Variants in NEB observed in about 807,000 individuals in gnomAD.
The protein encoded by NEB is nemaline myopathy type 2.
NEB carries 512 observed loss-of-function variants against 952.2 expected under a neutral mutation model. The observed-to-expected ratio is 0.54, with a 90% CI of 0.50 to 0.58. NEB has a LOEUF of 0.58. NEB is among the 20% of genes least tolerant of loss of function. The probability of loss-of-function intolerance (pLI) is 0.00; values close to 1 mark genes in which losing one functional copy is unlikely to be tolerated. For synonymous variants in NEB, 2,900 were observed against 3,149.8 expected (o/e 0.92, Z 2.66); for missense variants, 8,428 against 9,231.1 (o/e 0.91, Z 3.56).
intron 135 of NEB, among the ~76,000 whole-genome samples, 189 bp downstream of exon 135, chr2:151,545,699 T>G (rs1375924622): frequency 1.3e-5 from 2 of 152,152 alleles, no homozygotes; most frequent in Non-Finnish European, 2.9e-5. Flanking sequence ...GCAAAATAAG[T>G]AAACTGAGGT....
chr2:151,656,722 G>A (rs1429365903), intron 48 of NEB, among the ~76,000 whole-genome samples: 2 of 151,888 alleles, frequency 1.3e-5, no homozygotes, highest in African/African-American at 2.4e-5. Context: ...AGAGAGCTGA[G>A]CAACCTGCTG....
chr2:151,668,304 T>C (rs1262363239), intron 39 of NEB, among the ~76,000 whole-genome samples: 1 of 152,150 alleles, frequency 6.6e-6, no homozygotes, highest in African/African-American at 2.4e-5. Flanking sequence ...TATAGGAAGA[T>C]ATGAATACTA....
At chr2:151,657,218 G>A (rs1273572193) in intron 48 of NEB, among the ~76,000 whole-genome samples, 1 of 152,090 alleles carries the variant, frequency 6.6e-6, no homozygotes, top group African/African-American at 2.4e-5. Context: ...AAGAGAGAAT[G>A]GGATGGGCTG....
Position 151,513,628 on chromosome 2 carries a change from T to C in NEB, c.23193A>G (p.Glu7731=), listed in dbSNP as rs1349733418. ...TCCTGGCCCTCATAAAATCCGGAGT[T>C]TCATTGGCCATGGCATTCAGGCCTC... ...KGRGLNAMAN[E]TPDFMRARNA... The change falls in exon 160 of 182, where the codon GAA becomes GAG. Residue 7731 remains glutamate (E), a synonymous_variant. Transcript: ENST00000397345. 6.2e-7 allele frequency: 1 copy of C among 1,610,738 alleles called. No homozygotes were observed. The highest frequency in any genetic ancestry group is 8.5e-7 in the Non-Finnish European group (1 of 1,178,552).
At chr2:151,492,069 A>G in intron 178 of NEB, 29 bp downstream of exon 178, 2 of 1,608,326 alleles carry the variant, frequency 1.2e-6, no homozygotes, top group Non-Finnish European at 8.5e-7. Context: ...CTTAAAGTTA[A>G]TCCCCTCCCC....
rs778111805 is a variant in NEB, at chr2:151,502,849, T to C, written c.23872A>G (p.Thr7958Ala). The C allele has an allele frequency of 6.2e-7, 1 of 1,607,146 alleles. No homozygotes were observed. Among genetic ancestry groups the C allele is most frequent in the South Asian group, 1.1e-5 (1 of 89,000 alleles). ...CTCTCCATCTCTGGAGTGATAGGTG[T>C]TGGGATTCCTTTCCCCAAATTTTCT... ...YKENLGKGIP[T>A]PITPEMERVK... The change falls in exon 167 of 182, where the codon ACA becomes GCA. Residue 7958 changes from threonine to alanine, a missense_variant. Transcript: ENST00000397345.
chr2:151,712,870 C>A (rs1307280059), intron 10 of NEB, among the ~76,000 whole-genome samples: 1 of 152,076 alleles, frequency 6.6e-6, no homozygotes, highest in South Asian at 2.1e-4. Context: ...ACCTTCCCAA[C>A]ATCCAAACAC....
intron 129 of NEB, among the ~76,000 whole-genome samples, chr2:151,551,277 T>A (rs2095319516): frequency 6.6e-6 from 1 of 152,182 alleles, no homozygotes; most frequent in African/African-American, 2.4e-5. Flanking sequence ...CCAAAAATTA[T>A]TTTTAATACA....
rs530692325 is a variant in NEB at position 151,633,679 on chromosome 2, C to T, written c.9389G>A (p.Arg3130Gln). The T allele has an allele frequency of 2.9e-5, 46 of 1,613,220 alleles. No homozygotes were observed. The South Asian group carries it at 3.6e-4, about 13-fold the overall frequency. Residue 3130 changes from arginine (R) to glutamine (Q), a missense_variant, in exon 65 of 182, where the codon CGG becomes CAG. Physicochemically the swap from Arg to Gln is conservative, Grantham distance 43. This residue lies in a region of NEB where 1,772 missense variants were observed against 1,960.3 expected (regional missense o/e 0.90). Coordinates refer to ENST00000397345, the MANE Select transcript of NEB (RefSeq NM_001164508.2). ...LPDQSDVIHA[R>Q]QAYDLQSDNI... is the part of the protein sequence containing the mutation. ...GTCACTCTGGAGGTCATAGGCCTGC[C>T]GAGCATGGATGACATCGCTCTGGTC... is the stretch of plus-strand genomic sequence containing the variant.
chr2:151,581,817 G>C (rs2097108424), intron 102 of NEB, among the ~76,000 whole-genome samples: 1 of 139,578 alleles, frequency 7.2e-6, no homozygotes, highest in East Asian at 2.3e-4. Flanking sequence ...AGTTCTTTTT[G>C]GATGTTCTCC....
At chr2:151,491,602 T>C in intron 179 of NEB, 81 bp downstream of exon 179, 1 of 1,215,566 alleles carries the variant, frequency 8.2e-7, no homozygotes, top group South Asian at 1.3e-5. Context: ...GGGAAGGAAC[T>C]TCAGAGCCCA....
chr2:151,627,158 G>A lies in NEB; in HGVS notation c.10191C>T (p.Val3397=). Residue 3397 remains valine, a synonymous_variant, in exon 70 of 182, where the codon GTC becomes GTT. Coordinates refer to ENST00000397345, the MANE Select transcript of NEB (RefSeq NM_001164508.2). ...TGACCACATCCATAGACCCAATGGG[G>A]ACCCAGCCAATGCCTCTCAGCCACT... is the stretch of plus-strand genomic sequence containing the variant. ...DLQWLRGIGW[V]PIGSMDVVKC... 6.2e-7 allele frequency: 1 copy of A among 1,613,866 alleles called. No individual in the cohort carries two copies. The highest frequency in any genetic ancestry group is 8.5e-7 in the Non-Finnish European group (1 of 1,179,852).
At position 151,666,217 on chromosome 2, in the gene NEB, G is replaced by C. The variant is rs199662534; in HGVS notation, c.4904C>G (p.Thr1635Arg). 6.2e-7 allele frequency: 1 copy of C among 1,613,838 alleles called. No individual in the cohort carries two copies. Among genetic ancestry groups the C allele is most frequent in the Admixed American group, 1.7e-5 (1 of 59,994 alleles). ...AACCTCCTGAGATTTCTTTGCAGCTGTCACACTGACCATATCCAGAGGTGT... is the reference window on the plus strand; with the variant it reads ...AACCTCCTGAGATTTCTTTGCAGCTCTCACACTGACCATATCCAGAGGTGT... ...YHTPLDMVSV[T>R]AAKKSQEVAT... Residue 1635 changes from threonine (T) to arginine (R), a missense_variant, in exon 41 of 182, where the codon ACA becomes AGA. Thr to Arg is a moderately conservative substitution (Grantham distance 71). This residue lies in a region of NEB where 2,851 missense variants were observed against 2,791.5 expected (regional missense o/e 1.02). Coordinates refer to ENST00000397345, the MANE Select transcript of NEB (RefSeq NM_001164508.2).
In NEB at chr2:151,627,640, C is replaced by G. The variant is rs117636679; in HGVS notation, c.10026G>C (p.Lys3342Asn). The change falls in exon 69 of 182, where the codon AAG (lysine) becomes AAC (asparagine). Residue 3342 changes from lysine (K) to asparagine (N), a missense_variant. Lys to Asn is a moderately conservative substitution (Grantham distance 94). This residue lies in a region of NEB where 1,772 missense variants were observed against 1,960.3 expected (regional missense o/e 0.90). Transcript: ENST00000397345. Reference protein sequence around the residue: ...PVDMLGVVLAKKCQTLVSDVD... With the variant: ...PVDMLGVVLANKCQTLVSDVD... ...CATCGCTGACTAAGGTCTGGCACTT[C>G]TTGGCTAACACCACTCCCAGCATGT... The G allele has an allele frequency of 2.3e-4, 373 of 1,614,010 alleles. 1 individual carries two copies. The East Asian group carries it at 5.6e-3, about 24-fold the overall frequency.
intron 71 of NEB, among the ~76,000 whole-genome samples, chr2:151,623,650 A>AT (rs2098460480): frequency 6.6e-6 from 1 of 152,150 alleles, no homozygotes; most frequent in African/African-American, 2.4e-5. Flanking sequence ...TCAAGATGAG[A>AT]TTTTATAAGA....
At position 151,569,493 on chromosome 2, in the gene NEB, A is replaced by G. The variant is rs192188977; in HGVS notation, c.17431-121T>C. 1.3e-5 allele frequency: 10 copies of G among 751,050 alleles called. No individual in the cohort carries two copies. The African/African-American group carries it at 1.7e-4, about 13-fold the overall frequency. 46.5% of individuals were successfully genotyped at this position (751,050 alleles called of 1,614,324 possible). A position where few individuals can be genotyped will look rare whatever the true frequency, so the allele number is the denominator to read the frequency against. ...TATATAAGCCAAGGAGGACATACTC[A>G]AGCAGCCACGCAGGTAATGTAAGAA... On this transcript the variant is annotated intron_variant, in intron 109 of 181. Coordinates refer to ENST00000397345, the MANE Select transcript of NEB (RefSeq NM_001164508.2).
At chr2:151,501,846 A>AC (rs1182137377) in intron 167 of NEB, among the ~76,000 whole-genome samples, 1 of 152,168 alleles carries the variant, frequency 6.6e-6, no homozygotes, top group East Asian at 1.9e-4. Flanking sequence ...AGAGAGAGAG[A>AC]CAGGTAGGTT....
chr2:151,594,737 T>A (rs1353217779), intron 92 of NEB, among the ~76,000 whole-genome samples: 4 of 102,158 alleles, frequency 3.9e-5, no homozygotes, highest in African/African-American at 1.4e-4. Flanking sequence ...ATTATTAACA[T>A]ATATTCCAGT....
chr2:151,662,026 C>A (rs2099154840), intron 46 of NEB, 109 bp downstream of exon 46: 1 of 854,670 alleles, frequency 1.2e-6, no homozygotes, highest in South Asian at 2.8e-5. Flanking sequence ...GTAAAATAAC[C>A]TCAAGTGTGA....
Sources: gnomAD v4.1 joint callset for allele counts (sites outside exome capture counted in the v4.1 genomes callset) on GRCh38, gnomAD v4.1.1 for gene constraint, gnomAD v4.1.1 regional missense constraint, MANE v1.5 for transcripts, NCBI Gene and HGNC (gene_info 2026-07-23, HGNC 2026-07-21) for gene names.